The following PCDHGA3 variants were observed in gnomAD, a reference collection of about 807,000 sequenced individuals.
The protein encoded by PCDHGA3 is protocadherin gamma-A3.
In PCDHGA3, 40 loss-of-function variants were observed where a neutral mutation model predicts 58.5. That is an observed-to-expected ratio of 0.68 (90% CI 0.53 to 0.89). PCDHGA3 has a LOEUF of 0.89. Among genes scored for constraint, PCDHGA3 ranks in the 40% least tolerant of loss-of-function variants. The pLI, the probability that PCDHGA3 is intolerant of heterozygous loss-of-function variation, is 0.00. For synonymous variants in PCDHGA3, 530 were observed against 525.7 expected (o/e 1.01, Z -0.11); for missense variants, 1,223 against 1,195.9 (o/e 1.02, Z -0.33).
In PCDHGA3 at chr5:141,345,042, G is replaced by C; in HGVS notation, c.1009G>C (p.Val337Leu). 1 of 1,613,972 alleles carries C rather than the reference G, an allele frequency of 6.2e-7. No homozygotes were observed. The highest frequency in any genetic ancestry group is 8.5e-7 in the Non-Finnish European group (1 of 1,179,892). ...TTCAAGAGCCAAGATTCTAGTCACG[G>C]TTCTGGATGTGAATGACAATGCTCC... Reference protein sequence around the residue: ...LLSRAKILVTVLDVNDNAPEI... With the variant: ...LLSRAKILVTLLDVNDNAPEI... Residue 337 changes from valine (V) to leucine (L), a missense_variant, in exon 1 of 4, where the codon GTT becomes CTT. Transcript: ENST00000253812.
At chr5:141,464,343 A>T (rs944042669) in intron 1 of PCDHGA3, among the ~76,000 whole-genome samples, 1 of 151,308 alleles carries the variant, frequency 6.6e-6, no homozygotes, top group South Asian at 2.1e-4. Flanking sequence ...ATGACTTGTC[A>T]TTTAGGTAGT....
In PCDHGA3 at chr5:141,432,112, C is replaced by T; in HGVS notation, c.2425-62695C>T. ...CAGACACCAACGACAACCCGCCGGT[C>T]TTCCCTCAGGCCTCCTATTCCGCTT... On this transcript the variant is annotated intron_variant, in intron 1 of 3. Transcript: ENST00000253812. The surrounding 1 kb of genome is among the most constrained non-coding windows in gnomAD (Gnocchi z 6.0). 1 of 1,614,186 alleles carries T rather than the reference C, an allele frequency of 6.2e-7. No individual in the cohort carries two copies. The highest frequency in any genetic ancestry group is 8.5e-7 in the Non-Finnish European group (1 of 1,180,042).
chr5:141,508,731 A>C (rs1596169554), intron 3 of PCDHGA3, among the ~76,000 whole-genome samples: 6 of 145,538 alleles, frequency 4.1e-5, no homozygotes, highest in African/African-American at 5.1e-5. Context: ...GGGAGACTAC[A>C]CCCCCCACCC....
chr5:141,375,833 C>G, intron 1 of PCDHGA3: 1 of 1,614,152 alleles, frequency 6.2e-7, no homozygotes, highest in South Asian at 1.1e-5. Flanking sequence ...CTCCGCAGAG[C>G]CCGGCTACCT....
chr5:141,432,435 C>T lies in PCDHGA3; in HGVS notation c.2425-62372C>T. 1 of 1,614,212 alleles carries T rather than the reference C, an allele frequency of 6.2e-7. No homozygotes were observed. Among genetic ancestry groups the T allele is most frequent in the Non-Finnish European group, 8.5e-7 (1 of 1,180,038 alleles). The stretch of plus-strand genomic sequence containing the variant: ...TTCGTGCTGGACCAGAACGACAATG[C>T]GCCCGAGATCCTGTACCCCGCCCTC... On this transcript the variant is annotated intron_variant, in intron 1 of 3. Transcript: ENST00000253812. This position sits in a 1 kb window ranked among gnomAD's most constrained non-coding sequence, Gnocchi z 6.0.
chr5:141,407,497 G>GTTTTTTTTTTTTTTTTTTTTTTTTTT (rs1554102286), intron 1 of PCDHGA3, among the ~76,000 whole-genome samples: 1 of 152,086 alleles, frequency 6.6e-6, no homozygotes, highest in African/African-American at 2.4e-5. Context: ...CTTTATTTCT[G>GTTTTTTTTTTTTTTTTTTTTTTTTTT]TTTTTCTTAG....
intron 1 of PCDHGA3, among the ~76,000 whole-genome samples, chr5:141,459,160 T>C (rs1330588092): frequency 6.6e-6 from 1 of 152,228 alleles, no homozygotes; most frequent in African/African-American, 2.4e-5. Context: ...AGAACATTTC[T>C]ATAACCTTCA....
intron 1 of PCDHGA3, chr5:141,422,797 G>A (rs1037091316): frequency 2.5e-6 from 4 of 1,614,244 alleles, no homozygotes; most frequent in Non-Finnish European, 3.4e-6. Context: ...CTTCGACTAT[G>A]AGCAGTTTCG....
chr5:141,481,065 AAAAG>A (rs1476331686), intron 1 of PCDHGA3, among the ~76,000 whole-genome samples: 1 of 152,164 alleles, frequency 6.6e-6, no homozygotes, highest in Non-Finnish European at 1.5e-5. Flanking sequence ...CTCAAAAACA[AAAAG>A]AAAGAAAGAA....
At chr5:141,455,185 T>C (rs1334330699) in intron 1 of PCDHGA3, among the ~76,000 whole-genome samples, 1 of 152,064 alleles carries the variant, frequency 6.6e-6, no homozygotes, top group Admixed American at 6.6e-5. Flanking sequence ...TTTTTATTTC[T>C]CTACAAATTT....
At chr5:141,414,081 T>C (rs748527220) in intron 1 of PCDHGA3, 1 of 1,601,774 alleles carries the variant, frequency 6.2e-7, no homozygotes, top group South Asian at 1.1e-5. Flanking sequence ...ACAAATATAC[T>C]GGAGAAATAA....
At position 141,383,914 on chromosome 5, in the gene PCDHGA3, G is replaced by T. The variant is rs1167823249; in HGVS notation, c.2424+37457G>T. ...GGCAAAAGTACTGATCACAGTTTTA[G>T]ATGTAAATGATAATGCTCCAGAAGT... On this transcript the variant is annotated intron_variant, in intron 1 of 3. Transcript: ENST00000253812. The T allele has an allele frequency of 6.2e-7, 1 of 1,613,958 alleles. No individual in the cohort carries two copies. Among genetic ancestry groups the T allele is most frequent in the Admixed American group, 1.7e-5 (1 of 60,022 alleles).
chr5:141,409,304 C>T, intron 1 of PCDHGA3: 2 of 1,613,954 alleles, frequency 1.2e-6, no homozygotes, highest in Non-Finnish European at 1.7e-6. Flanking sequence ...GGTTGTTGCC[C>T]TCTTCAAAAC....
chr5:141,420,313 C>A, intron 1 of PCDHGA3: 1 of 1,434,874 alleles, frequency 7.0e-7, no homozygotes, highest in Non-Finnish European at 9.4e-7. Flanking sequence ...TTTTATATTA[C>A]AATATGCCAA....
intron 1 of PCDHGA3, chr5:141,400,191 A>C (rs781032596): frequency 5.0e-6 from 8 of 1,613,852 alleles, no homozygotes; most frequent in Non-Finnish European, 4.2e-6. Context: ...AGTTTTACCT[A>C]GTGGTGGCCT....
intron 1 of PCDHGA3, among the ~76,000 whole-genome samples, chr5:141,434,409 T>G (rs2097692930): frequency 6.6e-6 from 1 of 152,232 alleles, no homozygotes; most frequent in South Asian, 2.1e-4. Context: ...TCTGCAGCAC[T>G]GTGACATGTT....
intron 1 of PCDHGA3, chr5:141,397,962 A>T: frequency 1.9e-6 from 2 of 1,037,030 alleles, no homozygotes; most frequent in Admixed American, 2.9e-5. Context: ...CCCAGCTCAG[A>T]CTCCCCAGCG....
At chr5:141,414,790 A>G (rs1190584746) in intron 1 of PCDHGA3, 1 of 1,614,226 alleles carries the variant, frequency 6.2e-7, no homozygotes, top group South Asian at 1.1e-5. Context: ...GGTGACAGCC[A>G]GCGACAGCGG....
intron 1 of PCDHGA3, chr5:141,417,116 C>A (rs1407873769): frequency 6.6e-6 from 1 of 151,954 alleles, no homozygotes; most frequent in Non-Finnish European, 1.5e-5. Context: ...ATACAGGACA[C>A]CCTGGATGAT....
Sources: allele counts gnomAD v4.1 joint callset (sites outside exome capture counted in the v4.1 genomes callset), GRCh38; gene constraint gnomAD v4.1.1; non-coding constraint Gnocchi (gnomAD v3.1); transcripts MANE v1.5; gene names NCBI Gene and HGNC (gene_info 2026-07-23, HGNC 2026-07-21).